EFR3B: variants seen among roughly 807,000 people sequenced by gnomAD.
The protein encoded by EFR3B is EFR3 homolog B, also known as protein EFR3 homolog B.
EFR3B carries 64 observed loss-of-function variants against 104.7 expected under a neutral mutation model. The ratio of observed to expected loss-of-function variants is 0.61; its 90% confidence interval spans 0.50 to 0.75. The LOEUF is 0.75. Among genes scored for constraint, EFR3B ranks in the 30% least tolerant of loss-of-function variants. EFR3B has a pLI of 0.00. For synonymous variants in EFR3B, 385 were observed against 417.9 expected (o/e 0.92, Z 0.96); for missense variants, 750 against 1,078.5 (o/e 0.70, Z 4.27).
rs867159405 is a variant in EFR3B at position 25,069,628 on chromosome 2, C to T, written c.8-21697C>T. Among the ~76,000 whole-genome samples, 6 of 152,294 alleles carry T rather than the reference C, an allele frequency of 3.9e-5. No individual in the cohort carries two copies. The South Asian group carries it at 6.2e-4, about 16-fold the overall frequency. On this transcript the variant is annotated intron_variant, in intron 1 of 22. Transcript: ENST00000403714. The stretch of plus-strand genomic sequence containing the variant: ...TAGCAGCTCAGGGCAGTTTTGCAGT[C>T]GTGTTTATACCACTTTTAATTATAT...
At chr2:25,060,941 A>ACAG (rs1414706973) in intron 1 of EFR3B, among the ~76,000 whole-genome samples, 1 of 148,598 alleles carries the variant, frequency 6.7e-6, no homozygotes, top group Non-Finnish European at 1.5e-5. Flanking sequence ...CAAACAAACA[A>ACAG]CAACAACAAC....
Position 25,135,330 on chromosome 2 carries a change from G to A in EFR3B, c.1312-137G>A, listed in dbSNP as rs570169803. ...TTCAAAGAGTTGCCTGGGCTGTAGGGTAGGGGAGGCTGGATTGGGCGATGT... is the reference window on the plus strand; with the variant it reads ...TTCAAAGAGTTGCCTGGGCTGTAGGATAGGGGAGGCTGGATTGGGCGATGT... On this transcript the variant is annotated intron_variant, in intron 12 of 22. Transcript: ENST00000403714. 181 of 987,492 alleles carry A rather than the reference G, an allele frequency of 1.8e-4. 1 individual carries two copies. The highest frequency in any genetic ancestry group is 5.2e-5 in the Non-Finnish European group (35 of 671,808). The allele number at this position is 987,492 out of a possible 1,614,324, so 61.2% of individuals were successfully genotyped here.
intron 15 of EFR3B, 41 bp from the exon 16 acceptor site, chr2:25,139,018 G>A (rs1670591196): frequency 6.4e-7 from 1 of 1,551,080 alleles, no homozygotes; most frequent in Non-Finnish European, 8.7e-7. Flanking sequence ...AGTGTAGTCT[G>A]TCAGTGAAAA....
chr2:25,117,156 G>T (rs1400021607), intron 4 of EFR3B, among the ~76,000 whole-genome samples: 1 of 152,150 alleles, frequency 6.6e-6, no homozygotes, highest in Non-Finnish European at 1.5e-5. Context: ...ATGGGTGTAG[G>T]GAGGCGAGAG....
rs1352786723 is a variant in EFR3B, at chr2:25,158,871, T to G, written c.*4531T>G. On this transcript the variant is annotated 3_prime_UTR_variant, in exon 23 of 23. Transcript: ENST00000403714. ...CGACCTGGCTGTGTGTGTGCATGTG[T>G]GTGTAGTATAGTTTGTAGTTGACAA... 1 of 152,234 alleles carries G rather than the reference T, an allele frequency of 6.6e-6. No individual in the cohort carries two copies. The highest frequency in any genetic ancestry group is 2.4e-5 in the African/African-American group (1 of 41,446). 9.4% of individuals were successfully genotyped at this position (152,234 alleles called of 1,614,324 possible).
intron 1 of EFR3B, among the ~76,000 whole-genome samples, chr2:25,054,723 A>C (rs1667972574): frequency 6.6e-6 from 1 of 152,194 alleles, no homozygotes; most frequent in African/African-American, 2.4e-5. Context: ...GTTAATAAAA[A>C]TCCTTAGAAG....
Position 25,114,699 on chromosome 2 carries a change from A to C in EFR3B, c.364-6974A>C, listed in dbSNP as rs1049160846. Reference sequence around the variant, plus strand: ...TCCCCTTCAGAGGAAGTGGCTGTCCATCCATCCAGCCTTGACGGACCTCCC... The same window carrying C: ...TCCCCTTCAGAGGAAGTGGCTGTCCCTCCATCCAGCCTTGACGGACCTCCC... On this transcript the variant is annotated intron_variant, in intron 4 of 22. Coordinates refer to ENST00000403714, the MANE Select transcript of EFR3B (RefSeq NM_014971.2). The surrounding 1 kb of genome is among the most constrained non-coding windows in gnomAD (Gnocchi z 4.0). 6.6e-6 allele frequency among the ~76,000 whole-genome samples: 1 copy of C among 152,172 alleles called. No individual in the cohort carries two copies. Among genetic ancestry groups the C allele is most frequent in the Admixed American group, 6.5e-5 (1 of 15,282 alleles).
intron 15 of EFR3B, among the ~76,000 whole-genome samples, chr2:25,138,766 C>T (rs1205949869): frequency 1.3e-5 from 2 of 152,174 alleles, no homozygotes; most frequent in African/African-American, 4.8e-5. Flanking sequence ...AGGGTTTGGG[C>T]AGTGAAGGTC....
intron 1 of EFR3B, among the ~76,000 whole-genome samples, chr2:25,077,983 C>T (rs1668683206): frequency 6.6e-6 from 1 of 152,198 alleles, no homozygotes; most frequent in Non-Finnish European, 1.5e-5. Context: ...GCTCACATCT[C>T]ACCTCTTCCA....
At chr2:25,080,405 C>T in intron 1 of EFR3B, 1 of 516,070 alleles carries the variant, frequency 1.9e-6, no homozygotes. Context: ...AGCGATTCTG[C>T]TGCCTCAGCC....
At chr2:25,072,819 G>A (rs1668534430) in intron 1 of EFR3B, among the ~76,000 whole-genome samples, 1 of 152,108 alleles carries the variant, frequency 6.6e-6, no homozygotes, top group Admixed American at 6.5e-5. Flanking sequence ...CTGCTGCTTG[G>A]AATCTCCCCT....
At chr2:25,099,923 C>T (rs1669384451) in intron 3 of EFR3B, among the ~76,000 whole-genome samples, 1 of 151,538 alleles carries the variant, frequency 6.6e-6, no homozygotes, top group Non-Finnish European at 1.5e-5. Context: ...TTTAAATAGG[C>T]TGGGTGCAGT....
intron 1 of EFR3B, among the ~76,000 whole-genome samples, chr2:25,073,901 C>G (rs1009344909): frequency 6.6e-6 from 1 of 152,142 alleles, no homozygotes; most frequent in East Asian, 1.9e-4. Context: ...ACACACCCTC[C>G]TTTGAGCTTT....
intron 1 of EFR3B, 147 bp from the exon 2 acceptor site, chr2:25,091,178 C>T: frequency 1.5e-6 from 1 of 664,004 alleles, no homozygotes; most frequent in Non-Finnish European, 2.6e-6. Flanking sequence ...TCTGGGAGGA[C>T]AAGGCCCCGA....
At chr2:25,087,609 A>T (rs1228563203) in intron 1 of EFR3B, among the ~76,000 whole-genome samples, 5 of 151,586 alleles carry the variant, frequency 3.3e-5, no homozygotes, top group African/African-American at 9.7e-5. Flanking sequence ...AGTAGCTGGG[A>T]CTACAGGCAC....
chr2:25,071,475 G>A (rs4999510), intron 1 of EFR3B, among the ~76,000 whole-genome samples: 13,307 of 151,428 alleles, frequency 0.088, 793 homozygotes, highest in East Asian at 0.22. Flanking sequence ...TGGCCAGGCC[G>A]GTCTTGAACT....
At chr2:25,067,667 C>T (rs1002385781) in intron 1 of EFR3B, among the ~76,000 whole-genome samples, 6 of 151,932 alleles carry the variant, frequency 3.9e-5, no homozygotes, top group Non-Finnish European at 5.9e-5. Context: ...CTCCTGACCT[C>T]GTGATCTGCC....
At chr2:25,082,233 G>A (rs1415200235) in intron 1 of EFR3B, among the ~76,000 whole-genome samples, 2 of 152,254 alleles carry the variant, frequency 1.3e-5, no homozygotes, top group African/African-American at 4.8e-5. Context: ...CCTCTTCACA[G>A]CACAGGGGTC....
chr2:25,110,314 T>C (rs1001964076), intron 4 of EFR3B, among the ~76,000 whole-genome samples: 2 of 152,094 alleles, frequency 1.3e-5, no homozygotes, highest in South Asian at 2.1e-4. Context: ...AGCCTGTGGG[T>C]TGGGGCCTCT....
Sources: gnomAD v4.1 joint callset for allele counts (sites outside exome capture counted in the v4.1 genomes callset) on GRCh38, gnomAD v4.1.1 for gene constraint, Gnocchi (gnomAD v3.1) non-coding constraint, MANE v1.5 for transcripts, NCBI Gene and HGNC (gene_info 2026-07-23, HGNC 2026-07-21) for gene names.